Variants in ATP6V0D2 observed in about 807,000 individuals in gnomAD.
ATP6V0D2 encodes the protein V-type proton ATPase subunit d 2.
In ATP6V0D2, 40 loss-of-function variants were observed where a neutral mutation model predicts 40.0. The observed-to-expected ratio is 1.00, with a 90% confidence interval of 0.78 to 1.30. The LOEUF is 1.30. ATP6V0D2 is among the 50% of genes most tolerant of loss of function. ATP6V0D2 has a pLI of 0.00. For synonymous variants in ATP6V0D2, 179 were observed against 156.3 expected, an observed-to-expected ratio of 1.15 and a Z score of -1.08; for missense variants, 470 against 423.1, an observed-to-expected ratio of 1.11 and a Z score of -0.97.
At chr8:86,145,433 T>C (rs1193639560) in intron 5 of ATP6V0D2, among the ~76,000 whole-genome samples, 1 of 145,424 alleles carries the variant, frequency 6.9e-6, no homozygotes. Context: ...GGTATCTCTA[T>C]GTTGTCCAAG....
At chr8:86,105,616 C>CCTTTTTTTTTTTTTTTTTTT (rs1554587051) in intron 1 of ATP6V0D2, among the ~76,000 whole-genome samples, 1 of 131,170 alleles carries the variant, frequency 7.6e-6, no homozygotes, top group African/African-American at 2.8e-5. Context: ...CTTCTTTTTT[C>CCTTTTTTTTTTTTTTTTTTT]TTTTCTTTTT....
chr8:86,129,982 G>GAAAAAAAAAAAAA (rs869058078), intron 2 of ATP6V0D2, among the ~76,000 whole-genome samples: 1 of 92,734 alleles, frequency 1.1e-5, no homozygotes, highest in Non-Finnish European at 2.2e-5. Context: ...GTCTCGAAAA[G>GAAAAAAAAAAAAA]AAAAAAAAAA....
chr8:86,139,628 G>A lies in ATP6V0D2; in HGVS notation c.474G>A (p.Thr158=), dbSNP rs142957681. 1,610 of 1,591,546 alleles carry A rather than the reference G, an allele frequency of 1.0e-3. No individual in the cohort carries two copies. Among genetic ancestry groups the A allele is most frequent in the Admixed American group, 1.1e-3 (61 of 54,850 alleles). ...SDLFNAILIE[T]PLAPFFQDCM... ...TCTTTAATGCCATTCTGATCGAAAC[G>A]CCATTAGGTAGGAACACTTAGGTAA... Residue 158 remains threonine (T), a synonymous_variant, in exon 3 of 8, where the codon ACG becomes ACA. Transcript: ENST00000285393.
intron 1 of ATP6V0D2, among the ~76,000 whole-genome samples, chr8:86,102,657 G>A (rs558988609): frequency 7.2e-5 from 11 of 152,224 alleles, no homozygotes; most frequent in East Asian, 1.9e-4. Flanking sequence ...AAAAGTGTTA[G>A]TATTCATAAT....
intron 1 of ATP6V0D2, among the ~76,000 whole-genome samples, chr8:86,105,203 A>T (rs527561741): frequency 6.6e-6 from 1 of 152,336 alleles, no homozygotes; most frequent in Admixed American, 6.5e-5. Context: ...CTGAGGCAGA[A>T]CATTTGCCTC....
At chr8:86,150,409 A>C in intron 6 of ATP6V0D2, 121 bp downstream of exon 6, 2 of 1,033,464 alleles carry the variant, frequency 1.9e-6, no homozygotes, top group Admixed American at 5.0e-5. Context: ...GTAAGGTAGC[A>C]ATCAGTGTTT....
intron 2 of ATP6V0D2, among the ~76,000 whole-genome samples, chr8:86,131,340 C>T (rs1818823703): frequency 6.6e-6 from 1 of 151,948 alleles, no homozygotes; most frequent in Non-Finnish European, 1.5e-5. Flanking sequence ...GCTGGGCCTA[C>T]AGGCGCACAC....
At chr8:86,108,215 C>A (rs536145431) in intron 1 of ATP6V0D2, among the ~76,000 whole-genome samples, 1 of 152,280 alleles carries the variant, frequency 6.6e-6, no homozygotes, top group South Asian at 2.1e-4. Context: ...GAACACAGCT[C>A]ACTCCAGCCT....
Position 86,150,450 on chromosome 8 carries a change from C to T in ATP6V0D2, c.816+162C>T, listed in dbSNP as rs117483122. Among the ~76,000 whole-genome samples the T allele has an allele frequency of 7.2e-4, 109 of 152,214 alleles. No homozygotes were observed. The Middle Eastern group carries it at 0.01, about 14-fold the overall frequency. Reference sequence around the variant, plus strand: ...TGAAGCAATCTCTCCCTAAGAAACACGTTAAGTTTCTAGCCCAAGCTGCTA... The same window carrying T: ...TGAAGCAATCTCTCCCTAAGAAACATGTTAAGTTTCTAGCCCAAGCTGCTA... On this transcript the variant is annotated intron_variant, in intron 6 of 7. Coordinates refer to ENST00000285393, the MANE Select transcript of ATP6V0D2 (RefSeq NM_152565.1).
intron 2 of ATP6V0D2, among the ~76,000 whole-genome samples, chr8:86,129,711 G>A (rs1818791738): frequency 6.6e-6 from 1 of 151,938 alleles, no homozygotes; most frequent in Non-Finnish European, 1.5e-5. Flanking sequence ...GCTGAGGCAG[G>A]AGAATTGCTT....
At chr8:86,126,755 G>T (rs1157755443) in intron 2 of ATP6V0D2, among the ~76,000 whole-genome samples, 1 of 152,170 alleles carries the variant, frequency 6.6e-6, no homozygotes, top group Non-Finnish European at 1.5e-5. Context: ...GGCCTTAAAG[G>T]ATTGGTAAGG....
chr8:86,145,652 A>G (rs926008471), intron 5 of ATP6V0D2, among the ~76,000 whole-genome samples: 5 of 152,202 alleles, frequency 3.3e-5, no homozygotes, highest in Admixed American at 1.3e-4. Flanking sequence ...TGGTGACCCT[A>G]TGAAGCCCTA....
At chr8:86,140,830 C>T (rs146837749) in intron 3 of ATP6V0D2, among the ~76,000 whole-genome samples, 190 of 152,160 alleles carry the variant, frequency 1.2e-3, no homozygotes, top group African/African-American at 4.1e-3. Context: ...ACATTTATTG[C>T]GCACATTATT....
chr8:86,107,164 G>T (rs1283246701), intron 1 of ATP6V0D2, among the ~76,000 whole-genome samples: 2 of 152,112 alleles, frequency 1.3e-5, no homozygotes, highest in Admixed American at 6.6e-5. Flanking sequence ...TATACTTGAA[G>T]GTGAACCAAA....
intron 2 of ATP6V0D2, among the ~76,000 whole-genome samples, chr8:86,129,982 G>GA (rs869058078): frequency 0.22 from 20,688 of 92,890 alleles, 1,852 homozygotes; most frequent in East Asian, 0.41. Flanking sequence ...GTCTCGAAAA[G>GA]AAAAAAAAAA....
In ATP6V0D2 at chr8:86,153,149, T is replaced by C. The variant is rs1819180543; in HGVS notation, c.*172T>C. The C allele has an allele frequency of 2.1e-6, 1 of 481,782 alleles. No homozygotes were observed. Among genetic ancestry groups the C allele is most frequent in the African/African-American group, 2.0e-5 (1 of 49,734 alleles). 29.8% of individuals were successfully genotyped at this position (481,782 alleles called of 1,614,324 possible). A position where few individuals can be genotyped will look rare whatever the true frequency, so the allele number is the denominator to read the frequency against. On this transcript the variant is annotated 3_prime_UTR_variant, in exon 8 of 8. Coordinates refer to ENST00000285393, the MANE Select transcript of ATP6V0D2 (RefSeq NM_152565.1). ...TAAACCAGCCCTGAAACAAAGCATT[T>C]CCTTGTTTTCAGTGGTATTAGATCT... is the stretch of plus-strand genomic sequence containing the variant.
rs771991115 is a variant in ATP6V0D2 at position 86,150,120 on chromosome 8, C to T, written c.648C>T (p.Ala216=). The change falls in exon 6 of 8, where the codon GCC becomes GCT. Residue 216 remains alanine, a synonymous_variant. Transcript: ENST00000285393. The part of the protein sequence containing the change: ...EVMCPILEFE[A]DRRAFIITLN... ...TTGTCTTGCAAATTCAGTTTGAGGC[C>T]GACAGACGTGCTTTTATCATCACTC... is the stretch of plus-strand genomic sequence containing the variant. 51 of 1,610,608 alleles carry T rather than the reference C, an allele frequency of 3.2e-5. No individual in the cohort carries two copies. Among genetic ancestry groups the T allele is most frequent in the Non-Finnish European group, 3.9e-5 (46 of 1,178,256 alleles).
At chr8:86,114,642 C>T (rs951048132) in intron 2 of ATP6V0D2, among the ~76,000 whole-genome samples, 101 of 151,942 alleles carry the variant, frequency 6.6e-4, no homozygotes, top group Admixed American at 2.6e-3. Flanking sequence ...TGCACTCCAG[C>T]GAGGGCGACA....
At chr8:86,139,397 T>C in intron 2 of ATP6V0D2, 60 bp from the exon 3 acceptor site, 2 of 1,430,730 alleles carry the variant, frequency 1.4e-6, no homozygotes, top group Non-Finnish European at 1.9e-6. Context: ...TTTTTACTTG[T>C]GGGATGCTTC....
Sources: gnomAD v4.1 joint callset for allele counts (sites outside exome capture counted in the v4.1 genomes callset) on GRCh38, gnomAD v4.1.1 for gene constraint, MANE v1.5 for transcripts, NCBI Gene and HGNC (gene_info 2026-07-23, HGNC 2026-07-21) for gene names.